The following SPECC1 variants were observed in gnomAD, a reference collection of about 807,000 sequenced individuals.
The protein encoded by SPECC1 is sperm antigen with calponin homology and coiled-coil domains 1.
A neutral mutation model predicts 104.1 loss-of-function variants in SPECC1; 62 were observed. That is an observed-to-expected ratio of 0.60 (90% CI 0.49 to 0.74). The LOEUF is 0.74. Ranked by LOEUF, SPECC1 falls within the 30% of genes least tolerant of loss-of-function variation. The pLI, the probability that SPECC1 is intolerant of heterozygous loss-of-function variation, is 0.00. For missense variants in SPECC1, 1,306 were observed against 1,310.5 expected, an observed-to-expected ratio of 1.00 and a Z score of 0.05; for synonymous variants, 513 against 501.6, an observed-to-expected ratio of 1.02 and a Z score of -0.30.
At chr17:20,037,183 A>G (rs988659241) in intron 1 of SPECC1, among the ~76,000 whole-genome samples, 1 of 151,654 alleles carries the variant, frequency 6.6e-6, no homozygotes, top group Non-Finnish European at 1.5e-5. Context: ...AATTATTTTT[A>G]TATATTGCTT....
intron 1 of SPECC1, among the ~76,000 whole-genome samples, chr17:20,046,759 A>G (rs2045554545): frequency 7.2e-5 from 11 of 151,978 alleles, no homozygotes. Context: ...GGAGGCGGCC[A>G]GAGCCAAGAC....
At chr17:20,148,388 C>G (rs1371286129) in intron 3 of SPECC1, among the ~76,000 whole-genome samples, 1 of 152,068 alleles carries the variant, frequency 6.6e-6, no homozygotes, top group Non-Finnish European at 1.5e-5. Context: ...TACAGGTGCA[C>G]ACTACCACAC....
At chr17:20,309,844 A>T (rs1266950710) in intron 14 of SPECC1, among the ~76,000 whole-genome samples, 2 of 108,662 alleles carry the variant, frequency 1.8e-5, no homozygotes, top group Non-Finnish European at 3.5e-5. Flanking sequence ...TTGAGATGGA[A>T]TTTCGCCTTG....
At chr17:20,106,609 T>G (rs995114282) in intron 2 of SPECC1, among the ~76,000 whole-genome samples, 2 of 151,964 alleles carry the variant, frequency 1.3e-5, no homozygotes, top group Non-Finnish European at 2.9e-5. Context: ...TCTCAGGAGG[T>G]CTGATGGTTT....
chr17:20,227,108 G>A (rs1202959519), intron 4 of SPECC1, among the ~76,000 whole-genome samples: 1 of 152,170 alleles, frequency 6.6e-6, no homozygotes, highest in Non-Finnish European at 1.5e-5. Context: ...GTAGGAGGGG[G>A]CACAGAATCC....
chr17:20,308,175 G>A (rs1048620291), intron 14 of SPECC1, among the ~76,000 whole-genome samples: 3 of 151,996 alleles, frequency 2.0e-5, no homozygotes, highest in African/African-American at 7.2e-5. Flanking sequence ...ATCACCTGAG[G>A]TCAGGAGTTT....
At chr17:20,081,407 A>G (rs1220057686) in intron 1 of SPECC1, among the ~76,000 whole-genome samples, 1 of 151,934 alleles carries the variant, frequency 6.6e-6, no homozygotes, top group Non-Finnish European at 1.5e-5. Flanking sequence ...TTTTTTTCCC[A>G]GTGCAGCAGA....
At chr17:20,224,494 G>T (rs1400803892) in intron 4 of SPECC1, among the ~76,000 whole-genome samples, 4 of 152,174 alleles carry the variant, frequency 2.6e-5, no homozygotes, top group Admixed American at 1.3e-4. Context: ...GGGGCCTGGA[G>T]TCAGCAGCTT....
intron 4 of SPECC1, among the ~76,000 whole-genome samples, chr17:20,223,457 C>T (rs2038014673): frequency 6.6e-6 from 1 of 151,988 alleles, no homozygotes; most frequent in Non-Finnish European, 1.5e-5. Flanking sequence ...GGGCAGATCA[C>T]GAGGTCAGGA....
intron 1 of SPECC1, among the ~76,000 whole-genome samples, chr17:20,021,710 G>A (rs1191095530): frequency 7.8e-6 from 1 of 127,690 alleles, no homozygotes; most frequent in Non-Finnish European, 1.6e-5. Context: ...ATATTTTTTT[G>A]TACTTTTAGT....
intron 3 of SPECC1, among the ~76,000 whole-genome samples, chr17:20,174,103 G>A (rs2034292589): frequency 1.3e-5 from 2 of 151,824 alleles, no homozygotes; most frequent in Admixed American, 6.6e-5. Context: ...GGCTAATTTG[G>A]TATTTTTAGT....
At chr17:20,040,375 G>A (rs1008661625) in intron 1 of SPECC1, among the ~76,000 whole-genome samples, 1 of 152,154 alleles carries the variant, frequency 6.6e-6, no homozygotes, top group African/African-American at 2.4e-5. Flanking sequence ...CTTAAGAGGA[G>A]ATAGAAATTT....
At chr17:20,231,881 C>A in intron 6 of SPECC1, 50 bp downstream of exon 6, 1 of 1,565,050 alleles carries the variant, frequency 6.4e-7, no homozygotes, top group Non-Finnish European at 8.8e-7. Context: ...GAATTACCCG[C>A]TCCGAGGTGT....
rs776801885 is a variant in SPECC1, at chr17:20,245,949, C to G, written c.2375C>G (p.Ser792Cys). The G allele has an allele frequency of 6.2e-7, 1 of 1,614,074 alleles. No individual in the cohort carries two copies. Among genetic ancestry groups the G allele is most frequent in the African/African-American group, 1.3e-5 (1 of 74,938 alleles). The change falls in exon 8 of 15, where the codon TCC becomes TGC. Residue 792 changes from serine to cysteine, a missense_variant. Coordinates refer to ENST00000395527, the MANE Select transcript of SPECC1 (RefSeq NM_001243439.2). ...AGACCTGTGGATGAAGAGCCAGAGTCCTCTGAGGTCGATGCTGCTGGTCGG... is the reference window on the plus strand; with the variant it reads ...AGACCTGTGGATGAAGAGCCAGAGTGCTCTGAGGTCGATGCTGCTGGTCGG... The part of the protein sequence containing the change: ...APPPVDEEPE[S>C]SEVDAAGRWP...
chr17:20,032,080 A>G (rs761679703), intron 1 of SPECC1, among the ~76,000 whole-genome samples: 1 of 152,238 alleles, frequency 6.6e-6, no homozygotes, highest in South Asian at 2.1e-4. Context: ...CAAATATGTT[A>G]TCATTCATTG....
intron 1 of SPECC1, among the ~76,000 whole-genome samples, chr17:20,032,732 G>A (rs1567803253): frequency 6.6e-6 from 1 of 151,564 alleles, no homozygotes; most frequent in Non-Finnish European, 1.5e-5. Context: ...TATTTATAAT[G>A]GTTACTCCAA....
At chr17:20,189,127 C>T (rs908892022) in intron 3 of SPECC1, among the ~76,000 whole-genome samples, 3 of 152,098 alleles carry the variant, frequency 2.0e-5, no homozygotes, top group African/African-American at 7.2e-5. Flanking sequence ...TCCCATCTGT[C>T]CTGAAAGTAA....
At chr17:20,284,861 T>C (rs10491107) in intron 12 of SPECC1, among the ~76,000 whole-genome samples, 64,690 of 152,108 alleles carry the variant, frequency 0.43, 14,383 homozygotes, top group East Asian at 0.8. Flanking sequence ...CAAGAATGAA[T>C]GTACAGCATT....
chr17:20,125,153 C>A lies in SPECC1; in HGVS notation c.283+14591C>A, dbSNP rs140822860. 1.6e-3 allele frequency among the ~76,000 whole-genome samples: 239 copies of A among 152,180 alleles called. 2 individuals are homozygous for A. The highest frequency in any genetic ancestry group is 5.4e-3 in the African/African-American group (224 of 41,520). On this transcript the variant is annotated intron_variant, in intron 3 of 14. Transcript: ENST00000395527. ...CGAGATCGCGCCACTGCACTCCAGC[C>A]TGGGCGACAGAGCGAGACTCCATCT...
Sources: gnomAD v4.1 joint callset for allele counts (sites outside exome capture counted in the v4.1 genomes callset) on GRCh38, gnomAD v4.1.1 for gene constraint, MANE v1.5 for transcripts, NCBI Gene and HGNC (gene_info 2026-07-23, HGNC 2026-07-21) for gene names.